The following TRIM71 variants were observed in gnomAD, a reference collection of about 807,000 sequenced individuals.
TRIM71 encodes the protein E3 ubiquitin-protein ligase TRIM71.
In TRIM71, 9 loss-of-function variants were observed where a neutral mutation model predicts 61.2. The observed-to-expected ratio is 0.15, with a 90% confidence interval of 0.09 to 0.26. TRIM71 has a LOEUF of 0.26. Among genes scored for constraint, TRIM71 ranks in the 10% least tolerant of loss-of-function variants. TRIM71 has a pLI of 1.00. For missense variants in TRIM71, 998 were observed against 1,238.7 expected (o/e 0.81, Z 2.92); for synonymous variants, 645 against 553.2 (o/e 1.17, Z -2.33).
At chr3:32,879,968 A>G (rs1696890864) in intron 2 of TRIM71, among the ~76,000 whole-genome samples, 1 of 152,062 alleles carries the variant, frequency 6.6e-6, no homozygotes, top group South Asian at 2.1e-4. Context: ...CTCAAAAAAG[A>G]AAATGTGGGT....
chr3:32,846,107 G>A (rs1217394608), intron 1 of TRIM71, among the ~76,000 whole-genome samples: 2 of 119,448 alleles, frequency 1.7e-5, no homozygotes, highest in Non-Finnish European at 3.3e-5. Context: ...ATGGAGTCTC[G>A]CTCTGTCGCC....
chr3:32,857,853 C>A (rs900575568), intron 1 of TRIM71, among the ~76,000 whole-genome samples: 6 of 152,118 alleles, frequency 3.9e-5, no homozygotes, highest in African/African-American at 1.4e-4. Flanking sequence ...TGCCTGTGAT[C>A]TCAGCTACTC....
At position 32,891,121 on chromosome 3, in the gene TRIM71, C is replaced by G. The variant is rs1337505574; in HGVS notation, c.1917C>G (p.Phe639Leu). The G allele has an allele frequency of 6.2e-7, 1 of 1,612,010 alleles. No individual in the cohort carries two copies. The highest frequency in any genetic ancestry group is 1.7e-5 in the Admixed American group (1 of 59,996). ...AGGTGTTCAAGCCCTGCGGCGCCTT[C>G]CACCACAAATTCGGCACCCTGGGCT... ...RIQVFKPCGAFHHKFGTLGSR... is the reference protein window; with the variant it reads ...RIQVFKPCGALHHKFGTLGSR... The change falls in exon 4 of 4, where the codon TTC becomes TTG. Residue 639 changes from phenylalanine to leucine, a missense_variant. This residue lies in a region of TRIM71 where 83 missense variants were observed against 202.7 expected (regional missense o/e 0.41). Coordinates refer to ENST00000383763, the MANE Select transcript of TRIM71 (RefSeq NM_001039111.3). This position sits in a 1 kb window ranked among gnomAD's most constrained non-coding sequence, Gnocchi z 8.2.
At chr3:32,866,197 C>T (rs113140776) in intron 1 of TRIM71, among the ~76,000 whole-genome samples, 1 of 151,808 alleles carries the variant, frequency 6.6e-6, no homozygotes, top group African/African-American at 2.4e-5. Context: ...AGGCATGCGC[C>T]TGTACTAGGA....
rs750522197 is a variant in TRIM71, at chr3:32,818,948, C to A, written c.852+16C>A. On this transcript the variant is annotated intron_variant, in intron 1 of 3. Transcript: ENST00000383763. ...CGACGACGAGGTGAGTGCGTGGGGGCGTGTGTTTGTGTCCATCGGATAACT... is the reference window on the plus strand; with the variant it reads ...CGACGACGAGGTGAGTGCGTGGGGGAGTGTGTTTGTGTCCATCGGATAACT... 7 of 1,607,928 alleles carry A rather than the reference C, an allele frequency of 4.4e-6. No individual in the cohort carries two copies. The highest frequency in any genetic ancestry group is 5.9e-6 in the Non-Finnish European group (7 of 1,178,274).
At chr3:32,847,494 C>T (rs759801703) in intron 1 of TRIM71, among the ~76,000 whole-genome samples, 1 of 152,202 alleles carries the variant, frequency 6.6e-6, no homozygotes, top group Non-Finnish European at 1.5e-5. Context: ...CGCACCCAGC[C>T]AGGGTAGTGC....
chr3:32,840,813 G>T (rs1696395671), intron 1 of TRIM71, among the ~76,000 whole-genome samples: 1 of 152,212 alleles, frequency 6.6e-6, no homozygotes, highest in African/African-American at 2.4e-5. Flanking sequence ...CTGCTGGGGA[G>T]CTTTCAGGGC....
Position 32,873,803 on chromosome 3 carries a change from C to T in TRIM71, c.853-15C>T. 1 of 1,543,776 alleles carries T rather than the reference C, an allele frequency of 6.5e-7. No homozygotes were observed. Among genetic ancestry groups the T allele is most frequent in the African/African-American group, 1.4e-5 (1 of 73,984 alleles). ...CTGCATCTCCATTTATGCCTGTACCCTCTCTTGTCCCCAGGTGCTGCACCT... is the reference window on the plus strand; with the variant it reads ...CTGCATCTCCATTTATGCCTGTACCTTCTCTTGTCCCCAGGTGCTGCACCT... On this transcript the variant is annotated splice_polypyrimidine_tract_variant and intron_variant, in intron 1 of 3. Transcript: ENST00000383763.
intron 1 of TRIM71, among the ~76,000 whole-genome samples, chr3:32,863,774 C>T (rs1016440831): frequency 1.3e-5 from 2 of 151,970 alleles, no homozygotes; most frequent in South Asian, 2.1e-4. Context: ...CTCTGCCTCC[C>T]GGGTTCAAGC....
intron 2 of TRIM71, among the ~76,000 whole-genome samples, chr3:32,880,498 T>C (rs935471984): frequency 6.6e-6 from 1 of 152,224 alleles, no homozygotes; most frequent in Non-Finnish European, 1.5e-5. Context: ...TCCTAACTTA[T>C]GACTTTAAAG....
chr3:32,834,916 C>T (rs79009720), intron 1 of TRIM71, among the ~76,000 whole-genome samples: 1,660 of 152,258 alleles, frequency 0.011, 14 homozygotes, highest in Non-Finnish European at 0.019. Flanking sequence ...ATAATCTGAG[C>T]GCATAATTTG....
chr3:32,858,946 G>A (rs1226821445), intron 1 of TRIM71, among the ~76,000 whole-genome samples: 1 of 152,076 alleles, frequency 6.6e-6, no homozygotes. Flanking sequence ...AGCAGGTCTG[G>A]CTTTTCCCAT....
chr3:32,873,063 T>TCCCTCCCTCCCTCCCTCCCTCCCTC (rs1559548220), intron 1 of TRIM71, among the ~76,000 whole-genome samples: 1 of 83,628 alleles, frequency 1.2e-5, no homozygotes, highest in African/African-American at 4.6e-5. Context: ...TTCTCTCTCT[T>TCCCTCCCTCCCTCCCTCCCTCCCTC]CCTCCCTCCC....
chr3:32,841,879 G>C (rs1381888850), intron 1 of TRIM71, among the ~76,000 whole-genome samples: 1 of 152,026 alleles, frequency 6.6e-6, no homozygotes, highest in Non-Finnish European at 1.5e-5. Flanking sequence ...ATGTTGCCCA[G>C]GCTAGTCTGA....
At chr3:32,880,195 T>C (rs1696893264) in intron 2 of TRIM71, among the ~76,000 whole-genome samples, 1 of 151,828 alleles carries the variant, frequency 6.6e-6, no homozygotes, top group African/African-American at 2.4e-5. Flanking sequence ...CTGGCTAATT[T>C]TTGTGTTTTT....
At chr3:32,826,582 C>CTTTTTTT (rs71068090) in intron 1 of TRIM71, among the ~76,000 whole-genome samples, 1,718 of 83,048 alleles carry the variant, frequency 0.021, 179 homozygotes, top group Middle Eastern at 0.031. Flanking sequence ...CAGGTGAGTT[C>CTTTTTTT]TTTTTTTTTT....
intron 1 of TRIM71, among the ~76,000 whole-genome samples, chr3:32,850,118 G>C (rs990946803): frequency 6.6e-5 from 10 of 152,176 alleles, no homozygotes; most frequent in African/African-American, 2.4e-4. Flanking sequence ...CCTCCGTTCC[G>C]TGCCTCTTTT....
At chr3:32,873,246 G>A (rs994612864) in intron 1 of TRIM71, among the ~76,000 whole-genome samples, 1 of 152,134 alleles carries the variant, frequency 6.6e-6, no homozygotes, top group Non-Finnish European at 1.5e-5. Flanking sequence ...TTTTGCCTTC[G>A]TTCCAGAAAC....
At chr3:32,863,687 G>A (rs1696699288) in intron 1 of TRIM71, among the ~76,000 whole-genome samples, 1 of 151,918 alleles carries the variant, frequency 6.6e-6, no homozygotes, top group Admixed American at 6.6e-5. Flanking sequence ...ATTTGTTTTT[G>A]TTTTTGTTTT....
Sources: allele counts gnomAD v4.1 joint callset (sites outside exome capture counted in the v4.1 genomes callset), GRCh38; gene constraint gnomAD v4.1.1; regional missense constraint gnomAD v4.1.1; non-coding constraint Gnocchi (gnomAD v3.1); transcripts MANE v1.5; gene names NCBI Gene and HGNC (gene_info 2026-07-23, HGNC 2026-07-21).